The following FGFR4 variants were observed in gnomAD, a reference collection of about 807,000 sequenced individuals.
FGFR4 encodes the protein fibroblast growth factor receptor 4, also known as hydroxyaryl-protein kinase.
In FGFR4, 63 loss-of-function variants were observed where a neutral mutation model predicts 89.9. The observed-to-expected ratio is 0.70, with a 90% CI of 0.57 to 0.86. The LOEUF is 0.86. Ranked by LOEUF, FGFR4 falls within the 40% of genes least tolerant of loss-of-function variation. The probability of loss-of-function intolerance (pLI) is 0.00; values close to 1 mark genes in which losing one functional copy is unlikely to be tolerated. For missense variants in FGFR4, 928 were observed against 1,106.7 expected (o/e 0.84, Z 2.29); for synonymous variants, 486 against 479.4 (o/e 1.01, Z -0.18).
chr5:177,087,901 G>A lies in FGFR4; in HGVS notation c.-54+824G>A, dbSNP rs867617596. Among the ~76,000 whole-genome samples the A allele has an allele frequency of 5.5e-4, 83 of 152,266 alleles. No individual in the cohort carries two copies. The highest frequency in any genetic ancestry group is 1.9e-3 in the African/African-American group (80 of 41,548). On this transcript the variant is annotated intron_variant, in intron 1 of 17. Transcript: ENST00000292408. This position sits in a 1 kb window ranked among gnomAD's most constrained non-coding sequence, Gnocchi z 6.1. Reference sequence around the variant, plus strand: ...GCGCTCCTGAAGGGGCAGACGGTGTGACCAAAGAGATAGGCAGCGGCAGAG... The same window carrying A: ...GCGCTCCTGAAGGGGCAGACGGTGTAACCAAAGAGATAGGCAGCGGCAGAG...
chr5:177,090,135 C>CGTGTGTGT lies in FGFR4; in HGVS notation c.92-242_92-235dup, dbSNP rs59390048. 7.1e-3 allele frequency: 4,627 copies of CGTGTGTGT among 651,312 alleles called. 43 individuals carry two copies. The highest frequency in any genetic ancestry group is 0.045 in the African/African-American group (2,498 of 55,342). The allele number at this position is 651,312 out of a possible 1,614,324, so 40.3% of individuals were successfully genotyped here. A position where few individuals can be genotyped will look rare whatever the true frequency, so the allele number is the denominator to read the frequency against. On this transcript the variant is annotated intron_variant, in intron 2 of 17. Transcript: ENST00000292408. ...GTGTCCGTATGTGTGTGTGTGTATG[C>CGTGTGTGT]GTGTGTGTGTGTGTGTGTGTCTTGG... is the stretch of plus-strand genomic sequence containing the variant.
rs1784193218 is a variant in FGFR4 at position 177,087,519 on chromosome 5, A to G, written c.-54+442A>G. 1 of 951,192 alleles carries G rather than the reference A, an allele frequency of 1.1e-6. No individual in the cohort carries two copies. The highest frequency in any genetic ancestry group is 1.8e-5 in the African/African-American group (1 of 56,634). 58.9% of individuals were successfully genotyped at this position (951,192 alleles called of 1,614,324 possible). Reference sequence around the variant, plus strand: ...CGCGAGTGCGGGAGGCTGAAGGAGAACCCAGGACTGTCTGATGCCTAAGGC... The same window carrying G: ...CGCGAGTGCGGGAGGCTGAAGGAGAGCCCAGGACTGTCTGATGCCTAAGGC... On this transcript the variant is annotated intron_variant, in intron 1 of 17. Coordinates refer to ENST00000292408, the MANE Select transcript of FGFR4 (RefSeq NM_213647.3). The surrounding 1 kb of genome is among the most constrained non-coding windows in gnomAD (Gnocchi z 6.1).
intron 6 of FGFR4, 113 bp from the exon 7 acceptor site, chr5:177,092,208 C>A: frequency 9.0e-7 from 1 of 1,116,248 alleles, no homozygotes; most frequent in Non-Finnish European, 1.2e-6. Flanking sequence ...AGGAGACAGA[C>A]AAGAAGCTGC....
rs1474242842 is a variant in FGFR4 at position 177,093,916 on chromosome 5, A to T, written c.1519+141A>T. The T allele has an allele frequency of 3.8e-6, 4 of 1,054,254 alleles. No homozygotes were observed. The highest frequency in any genetic ancestry group is 5.3e-6 in the Non-Finnish European group (4 of 752,486). The allele number at this position is 1,054,254 out of a possible 1,614,324, so 65.3% of individuals were successfully genotyped here. ...ACTTCATCTCTACAAAAAAAAAATA[A>T]GAAAATTAGTTGGGTGTGGTGGTGT... On this transcript the variant is annotated intron_variant, in intron 11 of 17. Transcript: ENST00000292408. This position sits in a 1 kb window ranked among gnomAD's most constrained non-coding sequence, Gnocchi z 5.8.
chr5:177,096,923 CTCCTCCTCT>C (rs1784599584), intron 16 of FGFR4, among the ~76,000 whole-genome samples, 182 bp downstream of exon 16: 1 of 141,682 alleles, frequency 7.1e-6, no homozygotes, highest in African/African-American at 2.6e-5. Context: ...CCTCTTCCTC[CTCCTCCTCT>C]TCCTCCTCCT....
chr5:177,091,950 G>T, intron 6 of FGFR4, 142 bp downstream of exon 6: 1 of 1,131,376 alleles, frequency 8.8e-7, no homozygotes, highest in South Asian at 1.4e-5. Flanking sequence ...GGAAAGCACA[G>T]GGGTTAGTGT....
chr5:177,095,522 T>A lies in FGFR4; in HGVS notation c.1631-11T>A. On this transcript the variant is annotated splice_polypyrimidine_tract_variant and intron_variant, in intron 12 of 17. Coordinates refer to ENST00000292408, the MANE Select transcript of FGFR4 (RefSeq NM_213647.3). This position sits in a 1 kb window ranked among gnomAD's most constrained non-coding sequence, Gnocchi z 5.7. ...GGCAGCCTCTCCACGCTCCCTCCAC[T>A]CCCTCTGCAGGGCCCCTGTACGTGA... The A allele has an allele frequency of 1.2e-6, 2 of 1,611,862 alleles. No homozygotes were observed. The highest frequency in any genetic ancestry group is 1.7e-6 in the Non-Finnish European group (2 of 1,178,888).
rs1214914131 is a variant in FGFR4, at chr5:177,095,260, G to A, written c.1520-70G>A. 3.9e-6 allele frequency: 5 copies of A among 1,291,220 alleles called. No homozygotes were observed. The highest frequency in any genetic ancestry group is 2.3e-5 in the East Asian group (1 of 43,162). 80.0% of individuals were successfully genotyped at this position (1,291,220 alleles called of 1,614,324 possible). A position where few individuals can be genotyped will look rare whatever the true frequency, so the allele number is the denominator to read the frequency against. On this transcript the variant is annotated intron_variant, in intron 11 of 17. Coordinates refer to ENST00000292408, the MANE Select transcript of FGFR4 (RefSeq NM_213647.3). The surrounding 1 kb of genome is among the most constrained non-coding windows in gnomAD (Gnocchi z 5.7). Reference sequence around the variant, plus strand: ...GCCCTGGTCCAGTGCTGCTTGTCCTGCACCTGCCTCTGCATGCTCCCTCGT... The same window carrying A: ...GCCCTGGTCCAGTGCTGCTTGTCCTACACCTGCCTCTGCATGCTCCCTCGT...
chr5:177,096,049 C>A lies in FGFR4; in HGVS notation c.1822-8C>A. 6.2e-7 allele frequency: 1 copy of A among 1,612,736 alleles called. No homozygotes were observed. Among genetic ancestry groups the A allele is most frequent in the Non-Finnish European group, 8.5e-7 (1 of 1,179,450 alleles). On this transcript the variant is annotated splice_polypyrimidine_tract_variant and splice_region_variant and intron_variant, in intron 13 of 17. Coordinates refer to ENST00000292408, the MANE Select transcript of FGFR4 (RefSeq NM_213647.3). ...GTCCTGAGGCACCCAAGCCCCCGCT[C>A]CCTGCAGTGTATCCACCGGGACCTG...
At position 177,095,542 on chromosome 5, in the gene FGFR4, AC is replaced by A; in HGVS notation, c.1641del (p.Tyr547Ter). On this transcript the variant is annotated frameshift_variant, in exon 13 of 18. Coordinates refer to ENST00000292408, the MANE Select transcript of FGFR4 (RefSeq NM_213647.3). LOFTEE classifies it high-confidence loss of function. This position sits in a 1 kb window ranked among gnomAD's most constrained non-coding sequence, Gnocchi z 5.7. The part of the protein sequence containing the change: ...LGVCTQEGPL[Y>X]VIVECAAKGN... Reference sequence around the variant, plus strand: ...TCCACTCCCTCTGCAGGGCCCCTGTACGTGATCGTGGAGTGCGCCGCCAAGG... The same window carrying A: ...TCCACTCCCTCTGCAGGGCCCCTGTAGTGATCGTGGAGTGCGCCGCCAAGG... The A allele has an allele frequency of 6.2e-7, 1 of 1,611,204 alleles. No homozygotes were observed. Among genetic ancestry groups the A allele is most frequent in the South Asian group, 1.1e-5 (1 of 90,852 alleles).
chr5:177,093,854 T>G lies in FGFR4; in HGVS notation c.1519+79T>G. The stretch of plus-strand genomic sequence containing the variant: ...GCTGAGGGTGGGAGGATCGCTTGAA[T>G]CCAGGAATTCGAGGCCAGCCTGGGC... On this transcript the variant is annotated intron_variant, in intron 11 of 17. Coordinates refer to ENST00000292408, the MANE Select transcript of FGFR4 (RefSeq NM_213647.3). The surrounding 1 kb of genome is among the most constrained non-coding windows in gnomAD (Gnocchi z 5.8). 6.7e-7 allele frequency: 1 copy of G among 1,492,750 alleles called. No individual in the cohort carries two copies. Among genetic ancestry groups the G allele is most frequent in the Non-Finnish European group, 9.0e-7 (1 of 1,107,906 alleles). 92.5% of individuals were successfully genotyped at this position (1,492,750 alleles called of 1,614,324 possible). A position where few individuals can be genotyped will look rare whatever the true frequency, so the allele number is the denominator to read the frequency against.
rs994634328 is a variant in FGFR4, at chr5:177,087,603, C to A, written c.-54+526C>A. ...CAGCGGTCAGCAGCCATGGGTGACT[C>A]GACTAAGGACTCTGATATCAGGGCA... On this transcript the variant is annotated intron_variant, in intron 1 of 17. Transcript: ENST00000292408. The surrounding 1 kb of genome is among the most constrained non-coding windows in gnomAD (Gnocchi z 6.1). 1 of 985,426 alleles carries A rather than the reference C, an allele frequency of 1.0e-6. No individual in the cohort carries two copies. Among genetic ancestry groups the A allele is most frequent in the African/African-American group, 1.7e-5 (1 of 57,326 alleles). 61.0% of individuals were successfully genotyped at this position (985,426 alleles called of 1,614,324 possible). A position where few individuals can be genotyped will look rare whatever the true frequency, so the allele number is the denominator to read the frequency against.
chr5:177,089,312 C>CA (rs778962459), intron 1 of FGFR4, among the ~76,000 whole-genome samples: 2 of 152,178 alleles, frequency 1.3e-5, no homozygotes, highest in African/African-American at 2.4e-5. Context: ...GCCAGGGTCC[C>CA]AGCAGGACTC....
chr5:177,095,769 ACT>A lies in FGFR4; in HGVS notation c.1821+50_1821+51del, dbSNP rs1205372694. On this transcript the variant is annotated intron_variant, in intron 13 of 17. Transcript: ENST00000292408. The surrounding 1 kb of genome is among the most constrained non-coding windows in gnomAD (Gnocchi z 5.7). ...AGCCCCTCTCAGTCTCTCCAGCTCC[ACT>A]CTCAGGCCTGTGGCATTCAATGTCC... 2 of 1,498,194 alleles carry A rather than the reference ACT, an allele frequency of 1.3e-6. No individual in the cohort carries two copies. The highest frequency in any genetic ancestry group is 1.8e-6 in the Non-Finnish European group (2 of 1,121,452). The allele number at this position is 1,498,194 out of a possible 1,614,324, so 92.8% of individuals were successfully genotyped here. A position where few individuals can be genotyped will look rare whatever the true frequency, so the allele number is the denominator to read the frequency against.
rs764871795 is a variant in FGFR4, at chr5:177,091,761, A to G, written c.680A>G (p.Glu227Gly). ...SDRGTYTCLV[E>G]NAVGSIRYNY... ...CGCGGCACATACACCTGCCTGGTAGAGAACGCTGTGGGCAGCATCCGCTAT... is the reference window on the plus strand; with the variant it reads ...CGCGGCACATACACCTGCCTGGTAGGGAACGCTGTGGGCAGCATCCGCTAT... Residue 227 changes from glutamate (E) to glycine (G), a missense_variant, in exon 6 of 18, where the codon GAG becomes GGG. Around this residue, in one of 5 missense-constraint regions of FGFR4, gnomAD observed 741 missense variants for 836.9 expected, o/e 0.89. Coordinates refer to ENST00000292408, the MANE Select transcript of FGFR4 (RefSeq NM_213647.3). 2 of 1,614,248 alleles carry G rather than the reference A, an allele frequency of 1.2e-6. No homozygotes were observed. Among genetic ancestry groups the G allele is most frequent in the Non-Finnish European group, 1.7e-6 (2 of 1,180,044 alleles).
Position 177,095,446 on chromosome 5 carries a change from G to A in FGFR4, c.1630+6G>A, listed in dbSNP as rs1784517484. On this transcript the variant is annotated splice_donor_region_variant and intron_variant, in intron 12 of 17. Coordinates refer to ENST00000292408, the MANE Select transcript of FGFR4 (RefSeq NM_213647.3). This position sits in a 1 kb window ranked among gnomAD's most constrained non-coding sequence, Gnocchi z 5.7. Reference sequence around the variant, plus strand: ...TGGTGTCTGCACCCAGGAAGGTGGGGCCGAGGCGGGGCTGGCTGCACGGGC... The same window carrying A: ...TGGTGTCTGCACCCAGGAAGGTGGGACCGAGGCGGGGCTGGCTGCACGGGC... 1 of 1,614,178 alleles carries A rather than the reference G, an allele frequency of 6.2e-7. No individual in the cohort carries two copies. The highest frequency in any genetic ancestry group is 1.3e-5 in the African/African-American group (1 of 75,062).
In FGFR4 at chr5:177,092,780, G is replaced by T. The variant is rs535650793; in HGVS notation, c.1053G>T (p.Leu351=). ...LSYQSAWLTV[L]PEEDPTWTAA... ...ACCAGTCTGCCTGGCTCACGGTGCTGCCAGGTGAGCACCTGAAGGGCCAGG... is the reference window on the plus strand; with the variant it reads ...ACCAGTCTGCCTGGCTCACGGTGCTTCCAGGTGAGCACCTGAAGGGCCAGG... The change falls in exon 8 of 18, where the codon CTG becomes CTT. Residue 351 remains leucine (L), a synonymous_variant. Coordinates refer to ENST00000292408, the MANE Select transcript of FGFR4 (RefSeq NM_213647.3). The T allele has an allele frequency of 2.5e-6, 4 of 1,614,204 alleles. No homozygotes were observed. Among genetic ancestry groups the T allele is most frequent in the Admixed American group, 3.3e-5 (2 of 60,034 alleles).
intron 11 of FGFR4, among the ~76,000 whole-genome samples, chr5:177,094,413 C>T (rs1222219251): frequency 6.6e-6 from 1 of 152,116 alleles, no homozygotes; most frequent in African/African-American, 2.4e-5. Context: ...GCTTGATATC[C>T]TGTGTCAGCA....
Position 177,093,506 on chromosome 5 carries a change from G to A in FGFR4, c.1352G>A (p.Ser451Asn). The A allele has an allele frequency of 2.5e-6, 4 of 1,613,896 alleles. No homozygotes were observed. Among genetic ancestry groups the A allele is most frequent in the Non-Finnish European group, 3.4e-6 (4 of 1,180,014 alleles). The change falls in exon 10 of 18, where the codon AGT becomes AAT. Residue 451 changes from serine (S) to asparagine (N), a missense_variant. Transcript: ENST00000292408. The surrounding 1 kb of genome is among the most constrained non-coding windows in gnomAD (Gnocchi z 5.8). ...CCCGCCTTGCTCGCCGGCCTCGTGAGTCTAGATCTACCTCTCGACCCACTA... is the reference window on the plus strand; with the variant it reads ...CCCGCCTTGCTCGCCGGCCTCGTGAATCTAGATCTACCTCTCGACCCACTA... ...SGPALLAGLV[S>N]LDLPLDPLWE... is the part of the protein sequence containing the mutation.
Sources: allele counts gnomAD v4.1 joint callset (sites outside exome capture counted in the v4.1 genomes callset), GRCh38; gene constraint gnomAD v4.1.1; regional missense constraint gnomAD v4.1.1; non-coding constraint Gnocchi (gnomAD v3.1); transcripts MANE v1.5; gene names NCBI Gene and HGNC (gene_info 2026-07-23, HGNC 2026-07-21).